UBE2E2: variants seen among roughly 807,000 people sequenced by gnomAD.
UBE2E2 encodes the protein ubiquitin-conjugating enzyme E2 E2.
A neutral mutation model predicts 24.7 loss-of-function variants in UBE2E2; 6 were observed. The ratio of observed to expected loss-of-function variants is 0.24; its 90% CI spans 0.13 to 0.48. The LOEUF is 0.48. Ranked by LOEUF, UBE2E2 falls within the 20% of genes least tolerant of loss-of-function variation. UBE2E2 has a pLI of 0.99. For synonymous variants in UBE2E2, 104 were observed against 83.6 expected (o/e 1.24, Z -1.33); for missense variants, 169 against 245.0 (o/e 0.69, Z 2.07).
At chr3:23,555,164 G>A (rs189537433) in intron 5 of UBE2E2, among the ~76,000 whole-genome samples, 185 of 152,142 alleles carry the variant, frequency 1.2e-3, no homozygotes, top group African/African-American at 3.7e-3. Flanking sequence ...TGATCCACCC[G>A]CCTCGGCCTC....
chr3:23,234,825 A>G (rs937028874), intron 3 of UBE2E2, among the ~76,000 whole-genome samples: 1 of 152,190 alleles, frequency 6.6e-6, no homozygotes, highest in African/African-American at 2.4e-5. Context: ...ATGTTTGATA[A>G]AGCAGCTAGT....
chr3:23,266,928 A>G (rs1371547729), intron 3 of UBE2E2, among the ~76,000 whole-genome samples: 5 of 152,246 alleles, frequency 3.3e-5, no homozygotes, highest in Non-Finnish European at 4.4e-5. Flanking sequence ...CTACATGGAA[A>G]CTGAACAACC....
At chr3:23,304,083 G>T (rs989896330) in intron 3 of UBE2E2, among the ~76,000 whole-genome samples, 4 of 152,128 alleles carry the variant, frequency 2.6e-5, no homozygotes, top group African/African-American at 9.7e-5. Flanking sequence ...CTACTATCCT[G>T]CCTGAAGAAT....
intron 3 of UBE2E2, among the ~76,000 whole-genome samples, chr3:23,282,388 C>G (rs1207430166): frequency 1.3e-5 from 2 of 152,094 alleles, no homozygotes; most frequent in Non-Finnish European, 2.9e-5. Flanking sequence ...CAGTTTCTAT[C>G]TTATTATGCA....
At position 23,369,379 on chromosome 3, in the gene UBE2E2, A is replaced by G. The variant is rs77342439; in HGVS notation, c.228-130229A>G. Among the ~76,000 whole-genome samples the G allele has an allele frequency of 3.6e-3, 543 of 152,258 alleles. 2 individuals are homozygous for G. Among genetic ancestry groups the G allele is most frequent in the African/African-American group, 0.012 (489 of 41,548 alleles). ...ATGTGTGATTAATAATACATTTCTC[A>G]TGTATAGCCATAATGTGCCATTGAG... is the stretch of plus-strand genomic sequence containing the variant. On this transcript the variant is annotated intron_variant, in intron 3 of 5. Transcript: ENST00000396703.
At chr3:23,469,829 T>A (rs573058056) in intron 3 of UBE2E2, among the ~76,000 whole-genome samples, 1 of 152,360 alleles carries the variant, frequency 6.6e-6, no homozygotes, top group East Asian at 1.9e-4. Context: ...TGAAGTCCTC[T>A]GATTTCTAAA....
intron 3 of UBE2E2, among the ~76,000 whole-genome samples, chr3:23,402,938 C>A (rs1697267325): frequency 6.6e-6 from 1 of 152,130 alleles, no homozygotes; most frequent in Non-Finnish European, 1.5e-5. Flanking sequence ...CCTTGACATC[C>A]TTTGACATAC....
At chr3:23,265,850 T>G (rs938511695) in intron 3 of UBE2E2, among the ~76,000 whole-genome samples, 2 of 152,224 alleles carry the variant, frequency 1.3e-5, no homozygotes, top group African/African-American at 4.8e-5. Context: ...TGCATATATA[T>G]GTAGGATAGT....
chr3:23,310,924 T>A (rs1345880299), intron 3 of UBE2E2, among the ~76,000 whole-genome samples: 1 of 152,128 alleles, frequency 6.6e-6, no homozygotes, highest in Non-Finnish European at 1.5e-5. Context: ...TTGTTACATA[T>A]GTATACATGT....
rs750253007 is a variant in UBE2E2, at chr3:23,204,762, A to T, written c.-9+1298A>T. 259 of 985,224 alleles carry T rather than the reference A, an allele frequency of 2.6e-4. 1 individual carries two copies. The highest frequency in any genetic ancestry group is 2.9e-4 in the Non-Finnish European group (244 of 829,816). 61.0% of individuals were successfully genotyped at this position (985,224 alleles called of 1,614,324 possible). On this transcript the variant is annotated intron_variant, in intron 1 of 5. Transcript: ENST00000396703. ...TCTTTGCAGTTAAATTTAAAGCTGG[A>T]TATTGCTGTGTGCATATACTATATA...
intron 3 of UBE2E2, among the ~76,000 whole-genome samples, chr3:23,316,576 G>A (rs1003117854): frequency 5.9e-5 from 9 of 151,728 alleles, no homozygotes; most frequent in Non-Finnish European, 1.2e-4. Context: ...TACAACTGGC[G>A]ACCCCAAGAG....
chr3:23,534,102 C>A, intron 5 of UBE2E2: 1 of 782,264 alleles, frequency 1.3e-6, no homozygotes, highest in Non-Finnish European at 1.5e-6. Context: ...TGTATAACCT[C>A]ATTTGGAGGT....
chr3:23,253,364 G>A (rs1215402271), intron 3 of UBE2E2, among the ~76,000 whole-genome samples: 1 of 152,188 alleles, frequency 6.6e-6, no homozygotes, highest in Non-Finnish European at 1.5e-5. Flanking sequence ...AGGTAAATGG[G>A]CATAGTACAC....
At chr3:23,509,799 T>G (rs1694546262) in intron 4 of UBE2E2, among the ~76,000 whole-genome samples, 1 of 141,984 alleles carries the variant, frequency 7.0e-6, no homozygotes, top group Non-Finnish European at 1.5e-5. Context: ...CATTGTTCAG[T>G]TCCCACCTAT....
At chr3:23,266,975 A>G (rs1470439395) in intron 3 of UBE2E2, among the ~76,000 whole-genome samples, 1 of 152,210 alleles carries the variant, frequency 6.6e-6, no homozygotes, top group African/African-American at 2.4e-5. Context: ...AACGAAATGA[A>G]GGCAGAAATA....
intron 5 of UBE2E2, among the ~76,000 whole-genome samples, chr3:23,562,581 C>T (rs981043634): frequency 1.1e-4 from 16 of 152,200 alleles, no homozygotes; most frequent in African/African-American, 3.4e-4. Flanking sequence ...ATGCTGGCCT[C>T]ATAAAATGAG....
chr3:23,232,825 TG>T (rs1697008488), intron 3 of UBE2E2, among the ~76,000 whole-genome samples: 1 of 152,216 alleles, frequency 6.6e-6, no homozygotes, highest in Non-Finnish European at 1.5e-5. Context: ...GACCATCATG[TG>T]TATAGGCAAA....
chr3:23,504,161 T>C (rs931839222), intron 4 of UBE2E2, among the ~76,000 whole-genome samples: 1 of 152,202 alleles, frequency 6.6e-6, no homozygotes, highest in Non-Finnish European at 1.5e-5. Context: ...CACATACACC[T>C]TTTTACAAAA....
intron 3 of UBE2E2, among the ~76,000 whole-genome samples, chr3:23,363,928 A>C (rs1696193332): frequency 6.6e-6 from 1 of 152,272 alleles, no homozygotes; most frequent in East Asian, 1.9e-4. Context: ...AAAAAAAAAA[A>C]AACTTACCAA....
Sources: allele counts gnomAD v4.1 joint callset (sites outside exome capture counted in the v4.1 genomes callset), GRCh38; gene constraint gnomAD v4.1.1; transcripts MANE v1.5; gene names NCBI Gene and HGNC (gene_info 2026-07-23, HGNC 2026-07-21).